ADK: variants seen among roughly 807,000 people sequenced by gnomAD.
ADK encodes the protein adenosine kinase, also known as N6,N6-dimethyladenosine kinase.
Under a neutral mutation model 44.7 loss-of-function variants are expected in ADK, and 24 were observed. The observed-to-expected ratio is 0.54, with a 90% CI of 0.39 to 0.76. The LOEUF (loss-of-function observed/expected upper bound fraction) is 0.76. ADK is among the 30% of genes least tolerant of loss of function. ADK has a pLI of 0.00. For synonymous variants in ADK, 128 were observed against 142.6 expected (o/e 0.90, Z 0.73); for missense variants, 321 against 425.1 (o/e 0.76, Z 2.15).
At chr10:74,290,454 C>T (rs1206716500) in intron 3 of ADK, among the ~76,000 whole-genome samples, 1 of 152,050 alleles carries the variant, frequency 6.6e-6, no homozygotes, top group Non-Finnish European at 1.5e-5. Flanking sequence ...TCAAATGAAA[C>T]AACTGGAACT....
chr10:74,556,619 T>A (rs1326311711), intron 7 of ADK, among the ~76,000 whole-genome samples: 2 of 152,212 alleles, frequency 1.3e-5, no homozygotes, highest in Non-Finnish European at 2.9e-5. Flanking sequence ...TTCTAAGTCT[T>A]ACTGAGCAAT....
At position 74,239,573 on chromosome 10, in the gene ADK, C is replaced by T. The variant is rs1845114981; in HGVS notation, c.194+14982C>T. ...CAAAAAATTTGAAAATTAGCCAGGG[C>T]ATGGTGGTGTGTACCTCTGGTACTA... On this transcript the variant is annotated intron_variant, in intron 3 of 10. Coordinates refer to ENST00000539909, the MANE Select transcript of ADK (RefSeq NM_006721.4). 2.0e-5 allele frequency among the ~76,000 whole-genome samples: 3 copies of T among 151,696 alleles called. No homozygotes were observed. In the South Asian group the frequency reaches 6.2e-4, roughly 32 times the overall value.
At chr10:74,655,371 T>C in intron 9 of ADK, 1 of 410,930 alleles carries the variant, frequency 2.4e-6, no homozygotes, top group Non-Finnish European at 4.8e-6. Flanking sequence ...ATCGTCCACA[T>C]CAAAAAAGAG....
chr10:74,593,720 G>A (rs1398490434), intron 8 of ADK, among the ~76,000 whole-genome samples: 1 of 152,142 alleles, frequency 6.6e-6, no homozygotes, highest in Non-Finnish European at 1.5e-5. Flanking sequence ...ATGGCTAGAT[G>A]ACTCAATGTG....
At chr10:74,370,910 G>C (rs1338694966) in intron 4 of ADK, among the ~76,000 whole-genome samples, 1 of 152,020 alleles carries the variant, frequency 6.6e-6, no homozygotes, top group African/African-American at 2.4e-5. Flanking sequence ...TGATTATGTA[G>C]AATAATTTTA....
Position 74,444,203 on chromosome 10 carries a change from A to C in ADK, c.555+45624A>C, listed in dbSNP as rs374264277. ...AAAATGCATTTCTTCACAGAAATTA[A>C]TATCCTGTGCAAATGCTGGCTAATT... On this transcript the variant is annotated intron_variant, in intron 6 of 10. Coordinates refer to ENST00000539909, the MANE Select transcript of ADK (RefSeq NM_006721.4). Among the ~76,000 whole-genome samples the C allele has an allele frequency of 2.3e-4, 35 of 152,274 alleles. 1 individual carries two copies. The highest frequency in any genetic ancestry group is 6.8e-3 in the Middle Eastern group (2 of 294).
intron 3 of ADK, among the ~76,000 whole-genome samples, chr10:74,245,579 A>C (rs1326578776): frequency 1.5e-5 from 2 of 136,978 alleles, no homozygotes; most frequent in Non-Finnish European, 3.1e-5. Flanking sequence ...TCCTCATTCC[A>C]TAGTTTTTGT....
chr10:74,327,508 A>G (rs188115802), intron 4 of ADK, among the ~76,000 whole-genome samples: 18 of 152,284 alleles, frequency 1.2e-4, no homozygotes, highest in Non-Finnish European at 1.2e-4. Context: ...TGTTAGGCCT[A>G]TTTGGTCAAG....
chr10:74,445,141 CAA>C (rs961230426), intron 6 of ADK, among the ~76,000 whole-genome samples: 1 of 151,408 alleles, frequency 6.6e-6, no homozygotes, highest in African/African-American at 2.4e-5. Flanking sequence ...GATTTCTTAC[CAA>C]AAAAAATTTT....
intron 4 of ADK, among the ~76,000 whole-genome samples, chr10:74,390,439 T>C (rs921936792): frequency 6.6e-6 from 1 of 152,160 alleles, no homozygotes; most frequent in Non-Finnish European, 1.5e-5. Flanking sequence ...ACTTACAGAA[T>C]AGTAAAATGA....
chr10:74,560,677 G>A (rs1482679608), intron 7 of ADK, among the ~76,000 whole-genome samples: 2 of 152,140 alleles, frequency 1.3e-5, no homozygotes, highest in African/African-American at 4.8e-5. Flanking sequence ...TGGCTAAAAT[G>A]TGTACATTTT....
chr10:74,566,383 G>T (rs1360315177), intron 7 of ADK, among the ~76,000 whole-genome samples: 1 of 151,686 alleles, frequency 6.6e-6, no homozygotes, highest in Non-Finnish European at 1.5e-5. Flanking sequence ...TGTTTTTGAT[G>T]TCTTGTAGAG....
intron 3 of ADK, among the ~76,000 whole-genome samples, chr10:74,242,210 T>C (rs968182625): frequency 6.6e-6 from 1 of 152,242 alleles, no homozygotes; most frequent in African/African-American, 2.4e-5. Flanking sequence ...ATAAAAGTTG[T>C]ACAAGTTGAG....
intron 4 of ADK, among the ~76,000 whole-genome samples, chr10:74,374,004 C>T (rs10824161): frequency 1.3e-5 from 2 of 151,916 alleles, no homozygotes; most frequent in Admixed American, 6.6e-5. Flanking sequence ...TTGAAAATAT[C>T]GTGCTAAATG....
At chr10:74,354,087 A>G (rs546162778) in intron 4 of ADK, among the ~76,000 whole-genome samples, 228 of 152,340 alleles carry the variant, frequency 1.5e-3, no homozygotes, top group Non-Finnish European at 2.7e-3. Context: ...TACGAATTAT[A>G]ACACAAGCAA....
intron 9 of ADK, among the ~76,000 whole-genome samples, chr10:74,666,830 CTTT>C (rs11317030): frequency 5.5e-5 from 6 of 109,002 alleles, no homozygotes; most frequent in Non-Finnish European, 7.7e-5. Context: ...AGTTTTGTGA[CTTT>C]TTTTTTTTTT....
intron 5 of ADK, 25 bp from the exon 6 acceptor site, chr10:74,398,446 C>A: frequency 6.8e-7 from 1 of 1,480,474 alleles, no homozygotes; most frequent in Non-Finnish European, 9.4e-7. Flanking sequence ...TATAATATTA[C>A]TTGCTTATTC....
At chr10:74,351,240 G>A (rs567388959) in intron 4 of ADK, among the ~76,000 whole-genome samples, 3 of 151,854 alleles carry the variant, frequency 2.0e-5, no homozygotes, top group Admixed American at 6.6e-5. Context: ...CAATCAAGTC[G>A]GCTTGACATG....
intron 7 of ADK, among the ~76,000 whole-genome samples, chr10:74,573,741 C>T (rs893421875): frequency 3.9e-5 from 6 of 152,196 alleles, no homozygotes; most frequent in African/African-American, 1.4e-4. Context: ...TCGCTGCTGC[C>T]TTGCAGTTTG....
Sources: allele counts gnomAD v4.1 joint callset (sites outside exome capture counted in the v4.1 genomes callset), GRCh38; gene constraint gnomAD v4.1.1; transcripts MANE v1.5; gene names NCBI Gene and HGNC (gene_info 2026-07-23, HGNC 2026-07-21).